HCN4: variants seen among roughly 807,000 people sequenced by gnomAD.
HCN4 encodes potassium/sodium hyperpolarization-activated cyclic nucleotide-gated channel 4.
HCN4 carries 29 observed loss-of-function variants against 76.9 expected under a neutral mutation model. The ratio of observed to expected loss-of-function variants is 0.38; its 90% CI spans 0.28 to 0.51. The LOEUF (loss-of-function observed/expected upper bound fraction) is 0.51. HCN4 is among the 20% of genes least tolerant of loss of function. HCN4 has a pLI of 0.90. For synonymous variants in HCN4, 772 were observed against 762.5 expected (o/e 1.01, Z -0.21); for missense variants, 1,416 against 1,715.2 (o/e 0.83, Z 3.08).
intron 4 of HCN4, among the ~76,000 whole-genome samples, chr15:73,329,135 G>A (rs1308401319): frequency 6.6e-6 from 1 of 152,082 alleles, no homozygotes; most frequent in Non-Finnish European, 1.5e-5. Flanking sequence ...CCGGGCCACT[G>A]GGGACTCCAG....
chr15:73,348,434 A>C (rs1305746979), intron 1 of HCN4, among the ~76,000 whole-genome samples: 1 of 152,242 alleles, frequency 6.6e-6, no homozygotes, highest in Non-Finnish European at 1.5e-5. Flanking sequence ...ACCCACATGC[A>C]ATACCATGAA....
chr15:73,361,085 A>G (rs1486170173), intron 1 of HCN4, among the ~76,000 whole-genome samples: 2 of 152,226 alleles, frequency 1.3e-5, no homozygotes, highest in Non-Finnish European at 2.9e-5. Context: ...CTTTCCATTT[A>G]AAAACATTGG....
Position 73,368,259 on chromosome 15 carries a change from C to T in HCN4, c.12G>A (p.Leu4=). 4.7e-6 allele frequency: 7 copies of T among 1,493,808 alleles called. No individual in the cohort carries two copies. Among genetic ancestry groups the T allele is most frequent in the Non-Finnish European group, 6.2e-6 (7 of 1,125,366 alleles). The allele number at this position is 1,493,808 out of a possible 1,614,324, so 92.5% of individuals were successfully genotyped here. The change falls in exon 1 of 8, where the codon CTG becomes CTA. Residue 4 remains leucine (L), a synonymous_variant. Transcript: ENST00000261917. This position sits in a 1 kb window ranked among gnomAD's most constrained non-coding sequence, Gnocchi z 6.9. ...AGAGCCGCTTGCGCATGGACGGCGG[C>T]AGCTTGTCCATGGCGCCAGGGGCCG... is the stretch of plus-strand genomic sequence containing the variant. The part of the protein sequence containing the change: MDK[L]PPSMRKRLYS...
At chr15:73,345,293 A>G (rs1471584067) in intron 1 of HCN4, among the ~76,000 whole-genome samples, 1 of 152,192 alleles carries the variant, frequency 6.6e-6, no homozygotes, top group Non-Finnish European at 1.5e-5. Context: ...ACTGTGTGGC[A>G]AAGGGCAGTT....
chr15:73,340,593 C>T (rs1487019996), intron 2 of HCN4, among the ~76,000 whole-genome samples: 1 of 152,166 alleles, frequency 6.6e-6, no homozygotes, highest in Non-Finnish European at 1.5e-5. Context: ...GTCACTGTCC[C>T]CTCTCAGCCC....
At chr15:73,331,830 G>A (rs906613381) in intron 3 of HCN4, among the ~76,000 whole-genome samples, 1 of 152,168 alleles carries the variant, frequency 6.6e-6, no homozygotes, top group African/African-American at 2.4e-5. Context: ...ATGCCTGGGG[G>A]AGGCCGCCCA....
chr15:73,352,089 T>C (rs988791834), intron 1 of HCN4, among the ~76,000 whole-genome samples: 4 of 152,244 alleles, frequency 2.6e-5, no homozygotes, highest in African/African-American at 9.6e-5. Flanking sequence ...TATCATGTTA[T>C]AAGAAACTGT....
At chr15:73,356,360 C>CTTTCT (rs1173393496) in intron 1 of HCN4, among the ~76,000 whole-genome samples, 6 of 142,532 alleles carry the variant, frequency 4.2e-5, no homozygotes, top group South Asian at 2.3e-4. Context: ...GCTAATTTTT[C>CTTTCT]TTTCTTTTCT....
Position 73,328,443 on chromosome 15 carries a change from G to C in HCN4, c.1590+1130C>G, listed in dbSNP as rs1036213410. ...TTAATCTACATCTTCAGAGCAACGT[G>C]AAGTCCCTGAAGAGTTTCAAGCAGA... On this transcript the variant is annotated intron_variant, in intron 4 of 7. Coordinates refer to ENST00000261917, the MANE Select transcript of HCN4 (RefSeq NM_005477.3). The surrounding 1 kb of genome is among the most constrained non-coding windows in gnomAD (Gnocchi z 4.0). Among the ~76,000 whole-genome samples, 20 of 152,002 alleles carry C rather than the reference G, an allele frequency of 1.3e-4. No individual in the cohort carries two copies. Among genetic ancestry groups the C allele is most frequent in the African/African-American group, 4.8e-4 (20 of 41,368 alleles).
Position 73,323,842 on chromosome 15 carries a change from C to T in HCN4, c.2251G>A (p.Glu751Lys). 1 of 1,605,326 alleles carries T rather than the reference C, an allele frequency of 6.2e-7. No individual in the cohort carries two copies. The highest frequency in any genetic ancestry group is 8.5e-7 in the Non-Finnish European group (1 of 1,179,938). Residue 751 changes from glutamate (E) to lysine (K), a missense_variant, in exon 8 of 8, where the codon GAG (glutamate) becomes AAG (lysine). Glu to Lys is a moderately conservative substitution (Grantham distance 56). This residue lies in a region of HCN4 where 241 missense variants were observed against 379.4 expected (regional missense o/e 0.64). Coordinates refer to ENST00000261917, the MANE Select transcript of HCN4 (RefSeq NM_005477.3). ...ACGCGGTGCGCGCAGTGGGCCATCT[C>T]CCGGTCATGCTGCACAATCTGCTGG... Reference protein sequence around the residue: ...IIQQIVQHDREMAHCAHRVQA... With the variant: ...IIQQIVQHDRKMAHCAHRVQA...
rs114153445 is a variant in HCN4, at chr15:73,327,463, G to A, written c.1591-2019C>T. Among the ~76,000 whole-genome samples the A allele has an allele frequency of 6.2e-3, 937 of 152,016 alleles. 13 individuals are homozygous for A. The highest frequency in any genetic ancestry group is 0.021 in the African/African-American group (891 of 41,460). The stretch of plus-strand genomic sequence containing the variant: ...GATCTTGACCCCAGACTAAAACCTA[G>A]CCTTGATCACACACTGAGCCCTGAC... On this transcript the variant is annotated intron_variant, in intron 4 of 7. Coordinates refer to ENST00000261917, the MANE Select transcript of HCN4 (RefSeq NM_005477.3).
At chr15:73,344,043 C>A (rs551093228) in intron 1 of HCN4, among the ~76,000 whole-genome samples, 1 of 152,314 alleles carries the variant, frequency 6.6e-6, no homozygotes, top group African/African-American at 2.4e-5. Context: ...GTGAGTTTCC[C>A]CGAGCCCCAA....
At chr15:73,326,046 C>T (rs554038948) in intron 4 of HCN4, among the ~76,000 whole-genome samples, 2 of 152,148 alleles carry the variant, frequency 1.3e-5, no homozygotes, top group South Asian at 4.2e-4. Flanking sequence ...CAAATAGAGG[C>T]TCGGGTACAA....
intron 1 of HCN4, among the ~76,000 whole-genome samples, chr15:73,349,151 G>A (rs2043041811): frequency 6.6e-6 from 1 of 151,750 alleles, no homozygotes; most frequent in South Asian, 2.1e-4. Flanking sequence ...CTGGTCTCCA[G>A]CCTCCATTCT....
At chr15:73,332,376 G>C (rs1228647885) in intron 2 of HCN4, 84 bp from the exon 3 acceptor site, 5 of 1,377,698 alleles carry the variant, frequency 3.6e-6, no homozygotes, top group Non-Finnish European at 5.2e-6. Context: ...TGGAGCTGCT[G>C]GTGGGCACTG....
intron 1 of HCN4, among the ~76,000 whole-genome samples, chr15:73,350,882 C>G (rs1312789297): frequency 2.0e-5 from 3 of 152,160 alleles, no homozygotes; most frequent in African/African-American, 7.2e-5. Context: ...GCTGTCTTAT[C>G]TCTTACCAAG....
In HCN4 at chr15:73,323,291, G is replaced by A. The variant is rs1567768164; in HGVS notation, c.2802C>T (p.Arg934=). The A allele has an allele frequency of 3.2e-6, 5 of 1,539,280 alleles. No individual in the cohort carries two copies. Among genetic ancestry groups the A allele is most frequent in the Middle Eastern group, 3.6e-4 (2 of 5,608 alleles). The change falls in exon 8 of 8, where the codon CGC becomes CGT. Residue 934 remains arginine (R), a synonymous_variant. Transcript: ENST00000261917. The stretch of plus-strand genomic sequence containing the variant: ...GAGATGGCTGGGCAGCCTGCGGGGA[G>A]CGGGCGCCTGGCTGCAGCGGGGTGA... ...PLLTPLQPGA[R]SPQAAQPSPA... is the part of the protein sequence containing the mutation.
rs1229232018 is a variant in HCN4 at position 73,332,160 on chromosome 15, C to T, written c.1342G>A (p.Asp448Asn). Residue 448 changes from aspartate (D) to asparagine (N), a missense_variant, in exon 3 of 8, where the codon GAC (aspartate) becomes AAC (asparagine). Asp to Asn is a conservative substitution (Grantham distance 23). Transcript: ENST00000261917. ...ATGTTGTTGATGGACACCCAGCAGTCGTCAGGGAAGTCCTGTAGCATGGGT... is the reference window on the plus strand; with the variant it reads ...ATGTTGTTGATGGACACCCAGCAGTTGTCAGGGAAGTCCTGTAGCATGGGT... ...LVPMLQDFPDDCWVSINNMVN... is the reference protein window; with the variant it reads ...LVPMLQDFPDNCWVSINNMVN... 2.5e-6 allele frequency: 4 copies of T among 1,614,168 alleles called. No homozygotes were observed. Among genetic ancestry groups the T allele is most frequent in the East Asian group, 2.2e-5 (1 of 44,884 alleles).
intron 4 of HCN4, among the ~76,000 whole-genome samples, chr15:73,327,869 G>C (rs2042910024): frequency 6.6e-6 from 1 of 152,096 alleles, no homozygotes. Context: ...CTCTCTTCTT[G>C]GCATCATGGG....
Sources: allele counts gnomAD v4.1 joint callset (sites outside exome capture counted in the v4.1 genomes callset), GRCh38; gene constraint gnomAD v4.1.1; regional missense constraint gnomAD v4.1.1; non-coding constraint Gnocchi (gnomAD v3.1); transcripts MANE v1.5; gene names NCBI Gene and HGNC (gene_info 2026-07-23, HGNC 2026-07-21).